Variants in CDH20 observed in about 807,000 individuals in gnomAD.
CDH20 encodes cadherin-20.
In CDH20, 29 loss-of-function variants were observed where a neutral mutation model predicts 74.2. That is an observed-to-expected ratio of 0.39 (90% CI 0.29 to 0.53). The LOEUF is 0.53. Among genes scored for constraint, CDH20 ranks in the 20% least tolerant of loss-of-function variants. CDH20 has a pLI of 0.69. For synonymous variants in CDH20, 469 were observed against 405.4 expected (o/e 1.16, Z -1.88); for missense variants, 988 against 1,048.3 (o/e 0.94, Z 0.79).
At chr18:61,397,263 C>T (rs991274375) in intron 1 of CDH20, among the ~76,000 whole-genome samples, 3 of 152,132 alleles carry the variant, frequency 2.0e-5, no homozygotes, top group Non-Finnish European at 4.4e-5. Context: ...ACCCAACCTC[C>T]CCATACTGAA....
At chr18:61,378,877 A>G (rs1038561055) in intron 1 of CDH20, among the ~76,000 whole-genome samples, 2 of 152,158 alleles carry the variant, frequency 1.3e-5, no homozygotes, top group Non-Finnish European at 2.9e-5. Flanking sequence ...TCTAAGCACA[A>G]TTAATATGAG....
intron 1 of CDH20, among the ~76,000 whole-genome samples, chr18:61,466,706 C>A (rs1344273744): frequency 6.6e-6 from 1 of 152,184 alleles, no homozygotes. Flanking sequence ...AAGTTTAGGT[C>A]TGAGGGAAAC....
chr18:61,445,195 T>C (rs1599090280), intron 1 of CDH20, among the ~76,000 whole-genome samples: 1 of 151,990 alleles, frequency 6.6e-6, no homozygotes, highest in Admixed American at 6.6e-5. Context: ...TTTATAATTA[T>C]ATCTACTATT....
chr18:61,499,383 G>C lies in CDH20; in HGVS notation c.444G>C (p.Glu148Asp), dbSNP rs1911281635. 6.2e-7 allele frequency: 1 copy of C among 1,614,138 alleles called. No individual in the cohort carries two copies. Among genetic ancestry groups the C allele is most frequent in the Non-Finnish European group, 8.5e-7 (1 of 1,180,012 alleles). Residue 148 changes from glutamate (E) to aspartate (D), a missense_variant, in exon 3 of 12, where the codon GAG (glutamate) becomes GAC (aspartate). Around this residue, in one of 2 missense-constraint regions of CDH20, gnomAD observed 613 missense variants for 755.2 expected, o/e 0.81. Transcript: ENST00000262717. ...GGACGGGCAGGCCAATGGAGCCCGA[G>C]TCAGAGTTCATCATCAAAATTCAAG... ...DRRTGRPMEPESEFIIKIQDI... is the reference protein window; with the variant it reads ...DRRTGRPMEPDSEFIIKIQDI...
chr18:61,334,199 C>T (rs1395123229), intron 1 of CDH20: 1 of 152,142 alleles, frequency 6.6e-6, no homozygotes, highest in Non-Finnish European at 1.5e-5. Flanking sequence ...CGGCTTCACC[C>T]TCGCTGGCCC....
At chr18:61,513,144 C>T (rs2144341034) in intron 6 of CDH20, among the ~76,000 whole-genome samples, 1 of 148,092 alleles carries the variant, frequency 6.8e-6, no homozygotes, top group African/African-American at 2.5e-5. Flanking sequence ...GTCTAAGTCT[C>T]TTTGTAGGTC....
intron 1 of CDH20, among the ~76,000 whole-genome samples, chr18:61,485,792 G>A (rs1189578040): frequency 3.3e-5 from 5 of 152,080 alleles, no homozygotes; most frequent in Admixed American, 3.3e-4. Flanking sequence ...AACCCATTTT[G>A]GCCAGGTGCG....
chr18:61,334,602 A>T (rs1909692861), intron 1 of CDH20, among the ~76,000 whole-genome samples: 1 of 151,722 alleles, frequency 6.6e-6, no homozygotes, highest in South Asian at 2.1e-4. Context: ...GTTACCGAGG[A>T]CTCTCAACGT....
Position 61,555,539 on chromosome 18 carries a change from A to G in CDH20, c.*844A>G, listed in dbSNP as rs1913600681. 1.0e-6 allele frequency: 1 copy of G among 985,320 alleles called. No individual in the cohort carries two copies. Among genetic ancestry groups the G allele is most frequent in the South Asian group, 4.7e-5 (1 of 21,286 alleles). 61.0% of individuals were successfully genotyped at this position (985,320 alleles called of 1,614,324 possible). A position where few individuals can be genotyped will look rare whatever the true frequency, so the allele number is the denominator to read the frequency against. ...TACAAATGAAAGCCAAATAAAAAAG[A>G]AGTATCTGACAAAAGCATGGGTTAG... On this transcript the variant is annotated 3_prime_UTR_variant, in exon 12 of 12. Coordinates refer to ENST00000262717, the MANE Select transcript of CDH20 (RefSeq NM_031891.4).
chr18:61,370,900 G>A (rs1911015547), intron 1 of CDH20, among the ~76,000 whole-genome samples: 1 of 152,002 alleles, frequency 6.6e-6, no homozygotes, highest in Non-Finnish European at 1.5e-5. Flanking sequence ...CCACAATCAG[G>A]ACATTCTTTT....
At chr18:61,475,817 A>C (rs2144392457) in intron 1 of CDH20, among the ~76,000 whole-genome samples, 2 of 152,250 alleles carry the variant, frequency 1.3e-5, no homozygotes, top group South Asian at 4.1e-4. Flanking sequence ...TATAGCCTGC[A>C]TAGAATTCTC....
intron 1 of CDH20, among the ~76,000 whole-genome samples, chr18:61,489,329 T>A (rs1910875911): frequency 6.6e-6 from 1 of 152,140 alleles, no homozygotes; most frequent in Admixed American, 6.5e-5. Context: ...AATGAAGTGT[T>A]ATTTAGTTTC....
chr18:61,445,239 G>A (rs77713550), intron 1 of CDH20, among the ~76,000 whole-genome samples: 1 of 151,788 alleles, frequency 6.6e-6, no homozygotes, highest in Non-Finnish European at 1.5e-5. Flanking sequence ...GTCACTATGT[G>A]GTGTCTTACA....
At chr18:61,476,094 C>T (rs944376541) in intron 1 of CDH20, among the ~76,000 whole-genome samples, 11 of 152,100 alleles carry the variant, frequency 7.2e-5, no homozygotes, top group South Asian at 2.1e-4. Context: ...TCTCCCACCC[C>T]GCAGGCTCTT....
At chr18:61,395,107 T>C (rs1413708327) in intron 1 of CDH20, among the ~76,000 whole-genome samples, 1 of 151,974 alleles carries the variant, frequency 6.6e-6, no homozygotes, top group Admixed American at 6.6e-5. Flanking sequence ...CTCCCACTTC[T>C]TTAAGTTTCA....
At chr18:61,334,331 G>C (rs1355894050) in intron 1 of CDH20, 2 of 152,298 alleles carry the variant, frequency 1.3e-5, no homozygotes, top group Non-Finnish European at 2.9e-5. Flanking sequence ...GGCACCTACG[G>C]GGCCGATCCC....
chr18:61,496,572 G>T (rs1381576909), intron 2 of CDH20, among the ~76,000 whole-genome samples: 2 of 152,154 alleles, frequency 1.3e-5, no homozygotes, highest in East Asian at 3.9e-4. Context: ...CAGCTCCCAG[G>T]AGTCAGGGGC....
chr18:61,409,584 C>A (rs377752786), intron 1 of CDH20, among the ~76,000 whole-genome samples: 1 of 152,148 alleles, frequency 6.6e-6, no homozygotes, highest in Non-Finnish European at 1.5e-5. Flanking sequence ...GACATAATGC[C>A]TCCACACAGT....
chr18:61,472,290 T>C (rs1392527373), intron 1 of CDH20, among the ~76,000 whole-genome samples: 2 of 151,604 alleles, frequency 1.3e-5, no homozygotes, highest in Non-Finnish European at 2.9e-5. Flanking sequence ...GGGTCTTACT[T>C]CCCCCCGAGA....
Sources: allele counts gnomAD v4.1 joint callset (sites outside exome capture counted in the v4.1 genomes callset), GRCh38; gene constraint gnomAD v4.1.1; regional missense constraint gnomAD v4.1.1; transcripts MANE v1.5; gene names NCBI Gene and HGNC (gene_info 2026-07-23, HGNC 2026-07-21).